The following NCDN variants were observed in gnomAD, a reference collection of about 807,000 sequenced individuals.
The protein encoded by NCDN is norbin.
Under a neutral mutation model 60.7 loss-of-function variants are expected in NCDN, and 9 were observed. That is an observed-to-expected ratio of 0.15 (90% CI 0.09 to 0.26). The LOEUF is 0.26. Ranked by LOEUF, NCDN falls within the 10% of genes least tolerant of loss-of-function variation. The pLI is 1.00. For missense variants in NCDN, 578 were observed against 975.2 expected (o/e 0.59, Z 5.42); for synonymous variants, 409 against 442.5 (o/e 0.92, Z 0.95).
At position 35,561,055 on chromosome 1, in the gene NCDN, T is replaced by C. The variant is rs777214106; in HGVS notation, c.904T>C (p.Ser302Pro). Residue 302 changes from serine to proline, a missense_variant, in exon 3 of 7, where the codon TCC (serine) becomes CCC (proline). By Grantham distance (74) the Ser-to-Pro change is moderately conservative (BLOSUM62 -1). Around this residue, in one of 3 missense-constraint regions of NCDN, gnomAD observed 363 missense variants for 583.6 expected, o/e 0.62. Coordinates refer to ENST00000373243, the MANE Select transcript of NCDN (RefSeq NM_014284.3). The surrounding 1 kb of genome is among the most constrained non-coding windows in gnomAD (Gnocchi z 4.9). ...CTCCGACTGGATCCCGGCGGGCAGC[T>C]CCGGGAGCAAGTTCCTGGCCCTGCT... is the stretch of plus-strand genomic sequence containing the variant. ...CGSDWIPAGS[S>P]GSKFLALLVN... The C allele has an allele frequency of 6.2e-7, 1 of 1,612,922 alleles. No individual in the cohort carries two copies. The highest frequency in any genetic ancestry group is 1.7e-5 in the Admixed American group (1 of 59,956).
In NCDN at chr1:35,561,861, C is replaced by T. The variant is rs1648718393; in HGVS notation, c.1144-531C>T. Among the ~76,000 whole-genome samples the T allele has an allele frequency of 6.6e-6, 1 of 152,078 alleles. No individual in the cohort carries two copies. Among genetic ancestry groups the T allele is most frequent in the Admixed American group, 6.5e-5 (1 of 15,270 alleles). On this transcript the variant is annotated intron_variant, in intron 3 of 6. Coordinates refer to ENST00000373243, the MANE Select transcript of NCDN (RefSeq NM_014284.3). This position sits in a 1 kb window ranked among gnomAD's most constrained non-coding sequence, Gnocchi z 4.9. ...ACTCTGGTCTCTTTAATGGCCTGCT[C>T]CAGCCACCGAGCTCACCAGCCATAT...
chr1:35,560,175 TA>T lies in NCDN; in HGVS notation c.175-149del. 1 of 1,083,350 alleles carries T rather than the reference TA, an allele frequency of 9.2e-7. No homozygotes were observed. The highest frequency in any genetic ancestry group is 1.3e-6 in the Non-Finnish European group (1 of 752,524). 67.1% of individuals were successfully genotyped at this position (1,083,350 alleles called of 1,614,324 possible). A position where few individuals can be genotyped will look rare whatever the true frequency, so the allele number is the denominator to read the frequency against. On this transcript the variant is annotated intron_variant, in intron 2 of 6. Coordinates refer to ENST00000373243, the MANE Select transcript of NCDN (RefSeq NM_014284.3). This position sits in a 1 kb window ranked among gnomAD's most constrained non-coding sequence, Gnocchi z 7.6. ...CCCAGAGGTCACATTTATCTGCCTCTAAGGAGAAAAAAGGAGCTGGATGAAA... is the reference window on the plus strand; with the variant it reads ...CCCAGAGGTCACATTTATCTGCCTCTAGGAGAAAAAAGGAGCTGGATGAAA...
At position 35,560,117 on chromosome 1, in the gene NCDN, C is replaced by T. The variant is rs1337333418; in HGVS notation, c.175-209C>T. Among the ~76,000 whole-genome samples the T allele has an allele frequency of 1.3e-5, 2 of 152,146 alleles. No individual in the cohort carries two copies. Among genetic ancestry groups the T allele is most frequent in the East Asian group, 3.9e-4 (2 of 5,190 alleles). On this transcript the variant is annotated intron_variant, in intron 2 of 6. Transcript: ENST00000373243. The surrounding 1 kb of genome is among the most constrained non-coding windows in gnomAD (Gnocchi z 7.6). ...TGAATGGTTGAGGAAGACTAGACCTCACTTCCATGGGACAGTCACAGATGA... is the reference window on the plus strand; with the variant it reads ...TGAATGGTTGAGGAAGACTAGACCTTACTTCCATGGGACAGTCACAGATGA...
chr1:35,563,738 C>T lies in NCDN; in HGVS notation c.1611-29C>T, dbSNP rs756736463. ...TTTGGCTGTACTAGACCCCCACCTACCTCCATCCTTCCCCCCTTTCTTTTC... is the reference window on the plus strand; with the variant it reads ...TTTGGCTGTACTAGACCCCCACCTATCTCCATCCTTCCCCCCTTTCTTTTC... On this transcript the variant is annotated intron_variant, in intron 5 of 6. Coordinates refer to ENST00000373243, the MANE Select transcript of NCDN (RefSeq NM_014284.3). The surrounding 1 kb of genome is among the most constrained non-coding windows in gnomAD (Gnocchi z 6.6). 1 of 1,611,398 alleles carries T rather than the reference C, an allele frequency of 6.2e-7. No individual in the cohort carries two copies. Among genetic ancestry groups the T allele is most frequent in the Non-Finnish European group, 8.5e-7 (1 of 1,178,482 alleles).
rs773820461 is a variant in NCDN at position 35,565,435 on chromosome 1, G to A, written c.1962G>A (p.Leu654=). Residue 654 remains leucine (L), a synonymous_variant, in exon 7 of 7, where the codon CTG becomes CTA. Transcript: ENST00000373243. This position sits in a 1 kb window ranked among gnomAD's most constrained non-coding sequence, Gnocchi z 8.9. Reference sequence around the variant, plus strand: ...GCTGTGTGCCTCTGCTGCCCTGGCTGGCCCCCGCTGCCCTGCGCTCCCGCT... The same window carrying A: ...GCTGTGTGCCTCTGCTGCCCTGGCTAGCCCCCGCTGCCCTGCGCTCCCGCT... ...FTGCVPLLPW[L]APAALRSRWP... is the part of the protein sequence containing the mutation. The A allele has an allele frequency of 6.2e-7, 1 of 1,612,030 alleles. No individual in the cohort carries two copies. The highest frequency in any genetic ancestry group is 1.7e-5 in the Admixed American group (1 of 59,886).
At position 35,560,308 on chromosome 1, in the gene NCDN, A is replaced by G. The variant is rs1254828193; in HGVS notation, c.175-18A>G. ...CACTTCTTCCTTTCATCCTGATGAT[A>G]GCACATACCCCCTATAGGTGACCAA... On this transcript the variant is annotated intron_variant, in intron 2 of 6. Transcript: ENST00000373243. The surrounding 1 kb of genome is among the most constrained non-coding windows in gnomAD (Gnocchi z 7.6). 6.2e-7 allele frequency: 1 copy of G among 1,605,802 alleles called. No individual in the cohort carries two copies. Among genetic ancestry groups the G allele is most frequent in the Non-Finnish European group, 8.5e-7 (1 of 1,175,946 alleles).
At position 35,558,365 on chromosome 1, in the gene NCDN, A is replaced by T; in HGVS notation, c.33+142A>T. 1 of 1,529,788 alleles carries T rather than the reference A, an allele frequency of 6.5e-7. No homozygotes were observed. Among genetic ancestry groups the T allele is most frequent in the Non-Finnish European group, 8.8e-7 (1 of 1,139,480 alleles). 94.8% of individuals were successfully genotyped at this position (1,529,788 alleles called of 1,614,324 possible). A position where few individuals can be genotyped will look rare whatever the true frequency, so the allele number is the denominator to read the frequency against. ...GCTTCTCCAGCCCCTGCCGGCATCC[A>T]CAGGCTGGTAGCGGGACGGGGAGGG... On this transcript the variant is annotated intron_variant, in intron 1 of 6. Coordinates refer to ENST00000373243, the MANE Select transcript of NCDN (RefSeq NM_014284.3). This position sits in a 1 kb window ranked among gnomAD's most constrained non-coding sequence, Gnocchi z 6.3.
rs1648758632 is a variant in NCDN, at chr1:35,563,162, C to T, written c.1386-40C>T. 3.2e-6 allele frequency: 5 copies of T among 1,565,846 alleles called. No homozygotes were observed. In the East Asian group the frequency reaches 6.9e-5, roughly 21 times the overall value. On this transcript the variant is annotated intron_variant, in intron 4 of 6. Coordinates refer to ENST00000373243, the MANE Select transcript of NCDN (RefSeq NM_014284.3). The surrounding 1 kb of genome is among the most constrained non-coding windows in gnomAD (Gnocchi z 6.6). ...AAAGGGAATCTATGTGCCTTCATCT[C>T]TCCCAATCCCACACACGTCTGTCCC...
In NCDN at chr1:35,563,641, C is replaced by T. The variant is rs1648777070; in HGVS notation, c.1611-126C>T. 7 of 1,215,900 alleles carry T rather than the reference C, an allele frequency of 5.8e-6. No individual in the cohort carries two copies. Among genetic ancestry groups the T allele is most frequent in the Non-Finnish European group, 8.2e-6 (7 of 857,924 alleles). The allele number at this position is 1,215,900 out of a possible 1,614,324, so 75.3% of individuals were successfully genotyped here. ...TCAGCATGTCTGCTTGTTCCAATCT[C>T]TGCCCCCCAGATGCTATGTTTGGGG... On this transcript the variant is annotated intron_variant, in intron 5 of 6. Coordinates refer to ENST00000373243, the MANE Select transcript of NCDN (RefSeq NM_014284.3). This position sits in a 1 kb window ranked among gnomAD's most constrained non-coding sequence, Gnocchi z 6.6.
rs1648863711 is a variant in NCDN at position 35,566,056 on chromosome 1, G to T, written c.*393G>T. 1.5e-5 allele frequency: 3 copies of T among 206,494 alleles called. No homozygotes were observed. In the South Asian group the frequency reaches 2.5e-4, roughly 17 times the overall value. 12.8% of individuals were successfully genotyped at this position (206,494 alleles called of 1,614,324 possible). A position where few individuals can be genotyped will look rare whatever the true frequency, so the allele number is the denominator to read the frequency against. ...TCAGCCCATGTGCCCTGCCGGCCAG[G>T]GCGTGGGCTCCCCTCGGCTGTGGTG... is the stretch of plus-strand genomic sequence containing the variant. On this transcript the variant is annotated 3_prime_UTR_variant, in exon 7 of 7. Transcript: ENST00000373243. The surrounding 1 kb of genome is among the most constrained non-coding windows in gnomAD (Gnocchi z 5.3).
rs1648536058 is a variant in NCDN, at chr1:35,558,797, A to C, written c.34-310A>C. On this transcript the variant is annotated intron_variant, in intron 1 of 6. Coordinates refer to ENST00000373243, the MANE Select transcript of NCDN (RefSeq NM_014284.3). The surrounding 1 kb of genome is among the most constrained non-coding windows in gnomAD (Gnocchi z 6.3). ...AGGGGGACAGCTGAGCAGTGGGGCC[A>C]GCTCCCGCCCACCCCCAGGAGACTG... The C allele has an allele frequency of 1.1e-6, 1 of 913,782 alleles. No individual in the cohort carries two copies. The highest frequency in any genetic ancestry group is 1.5e-6 in the Non-Finnish European group (1 of 688,514). 56.6% of individuals were successfully genotyped at this position (913,782 alleles called of 1,614,324 possible). A position where few individuals can be genotyped will look rare whatever the true frequency, so the allele number is the denominator to read the frequency against.
In NCDN at chr1:35,557,810, C is replaced by T. The variant is rs1226120893; in HGVS notation, c.-381C>T. The T allele has an allele frequency of 1.9e-6, 1 of 521,336 alleles. No homozygotes were observed. Among genetic ancestry groups the T allele is most frequent in the East Asian group, 4.8e-5 (1 of 20,962 alleles). 32.3% of individuals were successfully genotyped at this position (521,336 alleles called of 1,614,324 possible). ...AGCCTGGAGCCAGGAGTGGGCAACGCGGCGTGAGCAGCGGCCCGAGGCTCC... is the reference window on the plus strand; with the variant it reads ...AGCCTGGAGCCAGGAGTGGGCAACGTGGCGTGAGCAGCGGCCCGAGGCTCC... On this transcript the variant is annotated 5_prime_UTR_variant, in exon 1 of 7. Transcript: ENST00000373243.
In NCDN at chr1:35,561,135, G is replaced by C. The variant is rs943795393; in HGVS notation, c.984G>C (p.Glu328Asp). ...TGGCACTGGAGGAGACGGGCACGGAGGTGAAAGAGGATGTGGTGACCGCCT... is the reference window on the plus strand; with the variant it reads ...TGGCACTGGAGGAGACGGGCACGGACGTGAAAGAGGATGTGGTGACCGCCT... Reference protein sequence around the residue: ...VRLALEETGTEVKEDVVTACY... With the variant: ...VRLALEETGTDVKEDVVTACY... The change falls in exon 3 of 7, where the codon GAG becomes GAC. Residue 328 changes from glutamate to aspartate, a missense_variant. Glu to Asp is a conservative substitution (Grantham distance 45). Transcript: ENST00000373243. This position sits in a 1 kb window ranked among gnomAD's most constrained non-coding sequence, Gnocchi z 4.9. The C allele has an allele frequency of 1.5e-5, 24 of 1,611,834 alleles. No individual in the cohort carries two copies. The highest frequency in any genetic ancestry group is 1.9e-5 in the Non-Finnish European group (22 of 1,179,110).
In NCDN at chr1:35,560,376, G is replaced by T. The variant is rs138059318; in HGVS notation, c.225G>T (p.Arg75=). ...AGDIDAKTRR[R]IFDAVGFTFP... Reference sequence around the variant, plus strand: ...ACATAGATGCCAAAACTCGGCGGCGGATCTTCGATGCTGTCGGCTTCACCT... The same window carrying T: ...ACATAGATGCCAAAACTCGGCGGCGTATCTTCGATGCTGTCGGCTTCACCT... The change falls in exon 3 of 7, where the codon CGG becomes CGT. Residue 75 remains arginine (R), a synonymous_variant. Coordinates refer to ENST00000373243, the MANE Select transcript of NCDN (RefSeq NM_014284.3). This position sits in a 1 kb window ranked among gnomAD's most constrained non-coding sequence, Gnocchi z 7.6. The T allele has an allele frequency of 5.6e-3, 9,061 of 1,614,026 alleles. 37 individuals carry two copies. Among genetic ancestry groups the T allele is most frequent in the Non-Finnish European group, 7.0e-3 (8,214 of 1,180,038 alleles).
chr1:35,560,467 T>C lies in NCDN; in HGVS notation c.316T>C (p.Leu106=), dbSNP rs1386386000. Residue 106 remains leucine (L), a synonymous_variant, in exon 3 of 7, where the codon TTG becomes CTG. Coordinates refer to ENST00000373243, the MANE Select transcript of NCDN (RefSeq NM_014284.3). The surrounding 1 kb of genome is among the most constrained non-coding windows in gnomAD (Gnocchi z 7.6). ...CTGCCCTGACCATGTTCTGCGGGCT[T>C]TGGGTGTGGCCCTGCTGGCCTGCTT... ...DGCPDHVLRA[L]GVALLACFCS... 1 of 1,614,024 alleles carries C rather than the reference T, an allele frequency of 6.2e-7. No homozygotes were observed. Among genetic ancestry groups the C allele is most frequent in the South Asian group, 1.1e-5 (1 of 91,080 alleles).
chr1:35,559,083 G>A (rs950511491), intron 1 of NCDN, 24 bp from the exon 2 acceptor site: 11 of 1,570,796 alleles, frequency 7.0e-6, no homozygotes, highest in Non-Finnish European at 8.7e-6. Context: ...GCAGAGGGAT[G>A]CTCAGTCCCT....
chr1:35,562,512 G>T lies in NCDN; in HGVS notation c.1264G>T (p.Val422Phe), dbSNP rs1447898700. The change falls in exon 4 of 7, where the codon GTC becomes TTC. Residue 422 changes from valine to phenylalanine, a missense_variant. By Grantham distance (50) the Val-to-Phe change is conservative. Around this residue, in one of 3 missense-constraint regions of NCDN, gnomAD observed 363 missense variants for 583.6 expected, o/e 0.62. Transcript: ENST00000373243. The surrounding 1 kb of genome is among the most constrained non-coding windows in gnomAD (Gnocchi z 6.8). The stretch of plus-strand genomic sequence containing the variant: ...GGTGTGCCAGCTGCTGCCCTTCCTC[G>T]TCCGCTATGCCAAGACCCTCTACGA... ...KEVCQLLPFL[V>F]RYAKTLYEEA... 2 of 1,613,942 alleles carry T rather than the reference G, an allele frequency of 1.2e-6. No individual in the cohort carries two copies. The highest frequency in any genetic ancestry group is 8.5e-7 in the Non-Finnish European group (1 of 1,180,008).
rs1226425176 is a variant in NCDN, at chr1:35,558,623, G to A, written c.33+400G>A. On this transcript the variant is annotated intron_variant, in intron 1 of 6. Transcript: ENST00000373243. The surrounding 1 kb of genome is among the most constrained non-coding windows in gnomAD (Gnocchi z 6.3). ...CTGCCTCTGAAGAAGGGAGGGGAAA[G>A]GAAGCCTGGGGTGTCCTTTTCTCCC... The A allele has an allele frequency of 1.7e-6, 2 of 1,163,106 alleles. No homozygotes were observed. 72.0% of individuals were successfully genotyped at this position (1,163,106 alleles called of 1,614,324 possible).
rs56974171 is a variant in NCDN at position 35,566,629 on chromosome 1, CCACACACACACACACACACACA to C, written c.*996_*1017del. 25 of 270,444 alleles carry C rather than the reference CCACACACACACACACACACACA, an allele frequency of 9.2e-5. No homozygotes were observed. Among genetic ancestry groups the C allele is most frequent in the Middle Eastern group, 1.4e-3 (1 of 722 alleles). The allele number at this position is 270,444 out of a possible 1,614,324, so 16.8% of individuals were successfully genotyped here. A position where few individuals can be genotyped will look rare whatever the true frequency, so the allele number is the denominator to read the frequency against. ...TACCTTTCTTATAAACCCAGGGGGA[CCACACACACACACACACACACA>C]CACACACACACACACACACACACAC... On this transcript the variant is annotated 3_prime_UTR_variant, in exon 7 of 7. Transcript: ENST00000373243. The surrounding 1 kb of genome is among the most constrained non-coding windows in gnomAD (Gnocchi z 5.3).
Sources: gnomAD v4.1 joint callset for allele counts (sites outside exome capture counted in the v4.1 genomes callset) on GRCh38, gnomAD v4.1.1 for gene constraint, gnomAD v4.1.1 regional missense constraint, Gnocchi (gnomAD v3.1) non-coding constraint, MANE v1.5 for transcripts, NCBI Gene and HGNC (gene_info 2026-07-23, HGNC 2026-07-21) for gene names.